ZDHHC3: variants seen among roughly 807,000 people sequenced by gnomAD.
ZDHHC3 encodes the protein zDHHC palmitoyltransferase 3.
In ZDHHC3, 9 loss-of-function variants were observed where a neutral mutation model predicts 30.6. The observed-to-expected ratio is 0.29, with a 90% CI of 0.18 to 0.51. The LOEUF is 0.51. ZDHHC3 is among the 20% of genes least tolerant of loss of function. The pLI is 0.97. For missense variants in ZDHHC3, 246 were observed against 384.2 expected, an observed-to-expected ratio of 0.64 and a Z score of 3.01; for synonymous variants, 136 against 140.2, an observed-to-expected ratio of 0.97 and a Z score of 0.21.
Position 44,919,511 on chromosome 3 carries a change from T to C in ZDHHC3, c.*7178A>G, listed in dbSNP as rs1367944217. Among the ~76,000 whole-genome samples the C allele has an allele frequency of 6.6e-6, 1 of 152,244 alleles. No individual in the cohort carries two copies. The highest frequency in any genetic ancestry group is 1.5e-5 in the Non-Finnish European group (1 of 68,044). ...GTACACTTTAAAATGGCTAATTTTG[T>C]GTTACAGGAATTTCACCTCGATTTT... On this transcript the variant is annotated 3_prime_UTR_variant, in exon 7 of 7. Transcript: ENST00000424952.
At position 44,918,737 on chromosome 3, in the gene ZDHHC3, C is replaced by G; in HGVS notation, c.*7952G>C. The G allele has an allele frequency of 1.0e-6, 1 of 989,122 alleles. No homozygotes were observed. Among genetic ancestry groups the G allele is most frequent in the Non-Finnish European group, 1.2e-6 (1 of 831,818 alleles). The allele number at this position is 989,122 out of a possible 1,614,324, so 61.3% of individuals were successfully genotyped here. A position where few individuals can be genotyped will look rare whatever the true frequency, so the allele number is the denominator to read the frequency against. On this transcript the variant is annotated 3_prime_UTR_variant, in exon 7 of 7. Transcript: ENST00000424952. ...CACTGTGGGGAGGTAAGGCTGGGCT[C>G]AGGCCTGCTCATGCAGCAGATCCAC...
At chr3:44,975,764 T>TCACA (rs1335553619) in intron 1 of ZDHHC3, among the ~76,000 whole-genome samples, 169 bp downstream of exon 1, 16 of 144,128 alleles carry the variant, frequency 1.1e-4, no homozygotes, top group African/African-American at 4.5e-4. Flanking sequence ...TCTCTCTCTC[T>TCACA]CTCTCTCTCA....
intron 1 of ZDHHC3, among the ~76,000 whole-genome samples, chr3:44,974,561 A>T (rs1433037693): frequency 1.3e-5 from 2 of 152,140 alleles, no homozygotes; most frequent in Non-Finnish European, 2.9e-5. Context: ...CCGTCCAACC[A>T]CACACAAACA....
intron 5 of ZDHHC3, 70 bp downstream of exon 5, chr3:44,933,048 G>A: frequency 1.2e-6 from 2 of 1,612,538 alleles, no homozygotes; most frequent in South Asian, 2.2e-5. Flanking sequence ...GAAACAAAGA[G>A]CCTCCCCGCC....
intron 3 of ZDHHC3, chr3:44,937,852 C>T: frequency 6.4e-6 from 3 of 469,578 alleles, no homozygotes; most frequent in South Asian, 4.7e-5. Flanking sequence ...CTGAGGCTTA[C>T]AGTGAAAGTG....
intron 6 of ZDHHC3, 32 bp from the exon 7 acceptor site, chr3:44,926,879 A>T: frequency 6.3e-7 from 1 of 1,580,742 alleles, no homozygotes; most frequent in Non-Finnish European, 8.6e-7. Flanking sequence ...CTTTCAGTCA[A>T]GCACTGCATT....
chr3:44,933,486 G>A (rs571442547), intron 4 of ZDHHC3: 7 of 561,694 alleles, frequency 1.2e-5, no homozygotes, highest in Non-Finnish European at 1.9e-5. Context: ...TGGGCGGGGG[G>A]TTCAAGCCTG....
At position 44,917,752 on chromosome 3, in the gene ZDHHC3, G is replaced by C; in HGVS notation, c.*8937C>G. On this transcript the variant is annotated 3_prime_UTR_variant, in exon 7 of 7. Transcript: ENST00000424952. ...GCCCAACATGGAGAGAAGAAGGAGG[G>C]GAAATGGCAAGGCCAAGCGAGTGGC... The C allele has an allele frequency of 1.9e-6, 2 of 1,027,660 alleles. No individual in the cohort carries two copies. The highest frequency in any genetic ancestry group is 2.5e-6 in the Non-Finnish European group (2 of 784,466). The allele number at this position is 1,027,660 out of a possible 1,614,324, so 63.7% of individuals were successfully genotyped here. A position where few individuals can be genotyped will look rare whatever the true frequency, so the allele number is the denominator to read the frequency against.
chr3:44,916,848 GTT>G lies in ZDHHC3; in HGVS notation c.*9839_*9840del, dbSNP rs1047657611. On this transcript the variant is annotated 3_prime_UTR_variant, in exon 7 of 7. Transcript: ENST00000424952. ...GTGGGGTGTGTGTGTGTGTGTGTGT[GTT>G]TGTCTATCTTCCTGATTCATCTGAT... 1 of 152,012 alleles carries G rather than the reference GTT, an allele frequency of 6.6e-6. No individual in the cohort carries two copies. The highest frequency in any genetic ancestry group is 1.5e-5 in the Non-Finnish European group (1 of 67,992). The allele number at this position is 152,012 out of a possible 1,614,324, so 9.4% of individuals were successfully genotyped here. A position where few individuals can be genotyped will look rare whatever the true frequency, so the allele number is the denominator to read the frequency against.
In ZDHHC3 at chr3:44,954,446, C is replaced by T. The variant is rs1441367904; in HGVS notation, c.306+4685G>A. Among the ~76,000 whole-genome samples, 8 of 152,184 alleles carry T rather than the reference C, an allele frequency of 5.3e-5. No individual in the cohort carries two copies. The East Asian group carries it at 1.5e-3, about 29-fold the overall frequency. On this transcript the variant is annotated intron_variant, in intron 2 of 6. Coordinates refer to ENST00000424952, the MANE Select transcript of ZDHHC3 (RefSeq NM_001135179.2). ...GTTGCATGGGTTTGTAGCCTAGGAA[C>T]AAGAGGCTATTCAATACGGCGTAGG...
intron 2 of ZDHHC3, among the ~76,000 whole-genome samples, chr3:44,947,971 T>C (rs1443035342): frequency 6.6e-6 from 1 of 152,210 alleles, no homozygotes; most frequent in Non-Finnish European, 1.5e-5. Flanking sequence ...GAACCACACC[T>C]GACACGAGGT....
chr3:44,973,206 G>T (rs544664200), intron 1 of ZDHHC3, among the ~76,000 whole-genome samples: 2 of 152,192 alleles, frequency 1.3e-5, no homozygotes, highest in South Asian at 2.1e-4. Context: ...AACAAAATTG[G>T]GATTTCCTTC....
intron 1 of ZDHHC3, among the ~76,000 whole-genome samples, 163 bp downstream of exon 1, chr3:44,975,770 T>TCACACACACACACACA (rs3082727): frequency 3.3e-4 from 37 of 111,550 alleles, no homozygotes; most frequent in Middle Eastern, 4.4e-3. Flanking sequence ...TCTCTCTCTC[T>TCACACACACACACACA]CTCACACACA....
chr3:44,920,906 C>T lies in ZDHHC3; in HGVS notation c.*5783G>A, dbSNP rs1473554328. On this transcript the variant is annotated 3_prime_UTR_variant, in exon 7 of 7. Transcript: ENST00000424952. Reference sequence around the variant, plus strand: ...GAGTCTAGAAAGAAAATATTGCAAACAAATCCGATGTATAAAAATGGGCTG... The same window carrying T: ...GAGTCTAGAAAGAAAATATTGCAAATAAATCCGATGTATAAAAATGGGCTG... 1 of 985,286 alleles carries T rather than the reference C, an allele frequency of 1.0e-6. No individual in the cohort carries two copies. Among genetic ancestry groups the T allele is most frequent in the Non-Finnish European group, 1.2e-6 (1 of 829,932 alleles). The allele number at this position is 985,286 out of a possible 1,614,324, so 61.0% of individuals were successfully genotyped here. A position where few individuals can be genotyped will look rare whatever the true frequency, so the allele number is the denominator to read the frequency against.
At position 44,922,036 on chromosome 3, in the gene ZDHHC3, T is replaced by C. The variant is rs924293077; in HGVS notation, c.*4653A>G. On this transcript the variant is annotated 3_prime_UTR_variant, in exon 7 of 7. Transcript: ENST00000424952. ...CTCTGCTTTGCTACGGCAATCACAC[T>C]GCTCAAGTCAGCAAGATGTTTACTT... 35 of 985,428 alleles carry C rather than the reference T, an allele frequency of 3.6e-5. No homozygotes were observed. Among genetic ancestry groups the C allele is most frequent in the East Asian group, 1.1e-4 (1 of 8,820 alleles). 61.0% of individuals were successfully genotyped at this position (985,428 alleles called of 1,614,324 possible).
Position 44,920,234 on chromosome 3 carries a change from A to G in ZDHHC3, c.*6455T>C. On this transcript the variant is annotated 3_prime_UTR_variant, in exon 7 of 7. Coordinates refer to ENST00000424952, the MANE Select transcript of ZDHHC3 (RefSeq NM_001135179.2). ...GCATGTGATGCCATGCTGCTTCCTGACTGGCCCCTCGCCAGGCCTCCCTTC... is the reference window on the plus strand; with the variant it reads ...GCATGTGATGCCATGCTGCTTCCTGGCTGGCCCCTCGCCAGGCCTCCCTTC... 1.6e-6 allele frequency: 2 copies of G among 1,289,936 alleles called. No homozygotes were observed. Among genetic ancestry groups the G allele is most frequent in the Non-Finnish European group, 2.0e-6 (2 of 988,890 alleles). 79.9% of individuals were successfully genotyped at this position (1,289,936 alleles called of 1,614,324 possible).
intron 1 of ZDHHC3, among the ~76,000 whole-genome samples, chr3:44,973,980 T>C (rs929740736): frequency 2.6e-5 from 4 of 152,254 alleles, no homozygotes; most frequent in East Asian, 1.9e-4. Flanking sequence ...GGTTATCATA[T>C]GTTCTTTGAA....
At chr3:44,972,743 G>A (rs1176675897) in intron 1 of ZDHHC3, among the ~76,000 whole-genome samples, 1 of 152,124 alleles carries the variant, frequency 6.6e-6, no homozygotes, top group African/African-American at 2.4e-5. Context: ...GCAGTAGTTC[G>A]AGGTCCTGGG....
At chr3:44,969,929 A>G (rs1705272407) in intron 1 of ZDHHC3, 1 of 152,196 alleles carries the variant, frequency 6.6e-6, no homozygotes, top group African/African-American at 2.4e-5. Context: ...CTAGGCAGAG[A>G]CCTATCAGCA....
Sources: allele counts gnomAD v4.1 joint callset (sites outside exome capture counted in the v4.1 genomes callset), GRCh38; gene constraint gnomAD v4.1.1; transcripts MANE v1.5; gene names NCBI Gene and HGNC (gene_info 2026-07-23, HGNC 2026-07-21).